The following DCAF8L2 variants were observed in gnomAD, a reference collection of about 807,000 sequenced individuals.
The protein encoded by DCAF8L2 is DDB1 and CUL4 associated factor 8 like 2.
For missense variants in DCAF8L2, 430 were observed against 490.7 expected (o/e 0.88, Z 1.17); for synonymous variants, 200 against 190.9 (o/e 1.05, Z -0.39).
chrX:27,563,358 T>A, the DCAF8L2 span, among the ~76,000 whole-genome samples: 1 of 112,525 alleles, frequency 8.9e-6, no homozygotes, highest in South Asian at 3.7e-4. Flanking sequence ...AACTCTTGTC[T>A]GTGACAGTCA....
At chrX:27,705,485 C>G (rs753326836) in intron 3 of DCAF8L2, among the ~76,000 whole-genome samples, 2 of 111,513 alleles carry the variant, frequency 1.8e-5, no homozygotes, top group South Asian at 7.6e-4. Flanking sequence ...TTATAGCCAT[C>G]CTACTGAATG....
At chrX:27,739,118 A>G (rs1453945947) in intron 4 of DCAF8L2, among the ~76,000 whole-genome samples, 4 of 111,127 alleles carry the variant, frequency 3.6e-5, no homozygotes, top group African/African-American at 6.5e-5. Context: ...AAAAAAATCT[A>G]TTGACCCCAT....
chrX:27,500,607 T>A, the DCAF8L2 span, among the ~76,000 whole-genome samples: 1 of 111,764 alleles, frequency 8.9e-6, no homozygotes, highest in African/African-American at 3.2e-5. Flanking sequence ...AGAAACACAG[T>A]CTTCTAATTT....
At chrX:27,533,166 GAAAGAAAGAA>G in the DCAF8L2 span, among the ~76,000 whole-genome samples, 370 of 11,248 alleles carry the variant, frequency 0.033, 4 homozygotes, top group South Asian at 0.054. Flanking sequence ...GAGAGAGAGA[GAAAGAAAGAA>G]AGAAAGAAAG....
chrX:27,514,878 C>T, the DCAF8L2 span, among the ~76,000 whole-genome samples: 1 of 109,884 alleles, frequency 9.1e-6, no homozygotes, highest in Admixed American at 9.7e-5. Flanking sequence ...TTACTAGAGG[C>T]TGAGGAGGGT....
chrX:27,748,687 A>G lies in DCAF8L2; in HGVS notation c.1792A>G (p.Ser598Gly). Residue 598 changes from serine (S) to glycine (G), a missense_variant, in exon 5 of 5, where the codon AGT (serine) becomes GGT (glycine). By Grantham distance (56) the Ser-to-Gly change is moderately conservative (BLOSUM62 0). Coordinates refer to ENST00000451261, the MANE Select transcript of DCAF8L2 (RefSeq NM_001353450.2). ...TQRGRHQDWR[S>G]GEAEFPDEES... ...GAGAGGTCGTCACCAGGACTGGAGA[A>G]GTGGTGAAGCTGAATTTCCAGATGA... 8.4e-7 allele frequency: 1 copy of G among 1,194,892 alleles called. No individual in the cohort carries two copies. The highest frequency in any genetic ancestry group is 1.1e-6 in the Non-Finnish European group (1 of 885,711).
At chrX:27,664,911 T>A (rs951550378) in intron 2 of DCAF8L2, among the ~76,000 whole-genome samples, 10 of 111,426 alleles carry the variant, frequency 9.0e-5, no homozygotes, top group African/African-American at 3.3e-4. Flanking sequence ...GAAAACAAGA[T>A]TTCTTTCAAA....
intron 2 of DCAF8L2, among the ~76,000 whole-genome samples, chrX:27,649,916 A>T (rs1929087838): frequency 9.0e-6 from 1 of 111,603 alleles, no homozygotes. Context: ...TTTTTCTTCC[A>T]GGATTCTTAT....
At chrX:27,536,876 C>A in the DCAF8L2 span, among the ~76,000 whole-genome samples, 1 of 112,169 alleles carries the variant, frequency 8.9e-6, no homozygotes, top group Non-Finnish European at 1.9e-5. Flanking sequence ...TTTGAGGGAA[C>A]CCTCATGCCT....
chrX:27,699,071 C>T (rs1195565897), intron 3 of DCAF8L2, among the ~76,000 whole-genome samples: 1 of 111,168 alleles, frequency 9.0e-6, no homozygotes, highest in Non-Finnish European at 1.9e-5. Flanking sequence ...CAAAAATTGG[C>T]AGAAAACTAA....
the DCAF8L2 span, among the ~76,000 whole-genome samples, chrX:27,551,715 T>C: frequency 9.0e-6 from 1 of 111,691 alleles, no homozygotes; most frequent in African/African-American, 3.3e-5. Context: ...ACACCATATT[T>C]TCCTTATCCA....
the DCAF8L2 span, among the ~76,000 whole-genome samples, chrX:27,538,874 C>T: frequency 8.9e-6 from 1 of 112,196 alleles, no homozygotes; most frequent in Non-Finnish European, 1.9e-5. Context: ...ACAGAAGAGA[C>T]ATATTTCATT....
the DCAF8L2 span, among the ~76,000 whole-genome samples, chrX:27,553,764 T>G: frequency 9.1e-6 from 1 of 110,447 alleles, no homozygotes; most frequent in Non-Finnish European, 1.9e-5. Flanking sequence ...CTTTTTTCCT[T>G]TCTGTCTTTC....
chrX:27,720,766 T>C (rs1231495855), intron 4 of DCAF8L2, among the ~76,000 whole-genome samples: 1 of 111,987 alleles, frequency 8.9e-6, no homozygotes, highest in Non-Finnish European at 1.9e-5. Context: ...AGAACTGACA[T>C]TTCAAAAAAA....
At chrX:27,664,343 C>T (rs1284838736) in intron 2 of DCAF8L2, among the ~76,000 whole-genome samples, 1 of 111,643 alleles carries the variant, frequency 9.0e-6, no homozygotes, top group East Asian at 2.8e-4. Flanking sequence ...TAAGCCAAAG[C>T]CTAATACAGA....
chrX:27,733,905 A>G (rs748975112), intron 4 of DCAF8L2, among the ~76,000 whole-genome samples: 2 of 111,781 alleles, frequency 1.8e-5, no homozygotes, highest in Non-Finnish European at 3.8e-5. Context: ...AATGTGATAT[A>G]CAACATTAAC....
the DCAF8L2 span, among the ~76,000 whole-genome samples, chrX:27,565,944 G>C: frequency 2.7e-5 from 3 of 110,802 alleles, no homozygotes; most frequent in Non-Finnish European, 5.7e-5. Flanking sequence ...ATTTCTGACA[G>C]CTCCACCCCA....
At chrX:27,564,535 C>T in the DCAF8L2 span, among the ~76,000 whole-genome samples, 1 of 49,786 alleles carries the variant, frequency 2.0e-5, no homozygotes, top group Admixed American at 2.7e-4. Context: ...CACGCACACA[C>T]ATGCACACAC....
chrX:27,681,050 ACT>A (rs1930308036), intron 3 of DCAF8L2, among the ~76,000 whole-genome samples: 1 of 111,742 alleles, frequency 8.9e-6, no homozygotes, highest in Non-Finnish European at 1.9e-5. Context: ...AAGGTGGAGT[ACT>A]GTTTTAGAGG....
Sources: allele counts gnomAD v4.1 joint callset (sites outside exome capture counted in the v4.1 genomes callset), GRCh38; gene constraint gnomAD v4.1.1; transcripts MANE v1.5; gene names NCBI Gene and HGNC (gene_info 2026-07-23, HGNC 2026-07-21).